KIF15: variants seen among roughly 807,000 people sequenced by gnomAD.
The protein encoded by KIF15 is kinesin-like protein KIF15.
In KIF15, 140 loss-of-function variants were observed where a neutral mutation model predicts 190.6. The ratio of observed to expected loss-of-function variants is 0.73; its 90% CI spans 0.64 to 0.84. KIF15 has a LOEUF of 0.84. KIF15 is among the 40% of genes least tolerant of loss of function. The probability of loss-of-function intolerance (pLI) is 0.00; values close to 1 mark genes in which losing one functional copy is unlikely to be tolerated. For synonymous variants in KIF15, 528 were observed against 551.3 expected (o/e 0.96, Z 0.59); for missense variants, 1,372 against 1,584.4 (o/e 0.87, Z 2.28).
At chr3:44,806,906 C>T (rs749597058) in intron 16 of KIF15, among the ~76,000 whole-genome samples, 3 of 151,720 alleles carry the variant, frequency 2.0e-5, no homozygotes, top group East Asian at 1.9e-4. Flanking sequence ...CCACCATGCC[C>T]GGATAATTTT....
chr3:44,776,249 T>C (rs979362707), intron 3 of KIF15, among the ~76,000 whole-genome samples: 4 of 151,768 alleles, frequency 2.6e-5, no homozygotes, highest in Admixed American at 2.0e-4. Flanking sequence ...TCTTTTTTTT[T>C]TTTCCCCCCA....
chr3:44,858,560 G>C (rs1434074464), intron 6 of KIF15, among the ~76,000 whole-genome samples: 1 of 152,144 alleles, frequency 6.6e-6, no homozygotes, highest in Non-Finnish European at 1.5e-5. Context: ...CACAAAGGAG[G>C]CTTTCGGTTG....
At chr3:44,793,735 A>G (rs981878384) in intron 7 of KIF15, among the ~76,000 whole-genome samples, 2 of 152,200 alleles carry the variant, frequency 1.3e-5, no homozygotes, top group African/African-American at 4.8e-5. Flanking sequence ...AATAGAAAAT[A>G]TGCTTTATGT....
chr3:44,804,943 C>T, intron 14 of KIF15, 84 bp from the exon 15 acceptor site: 1 of 1,375,694 alleles, frequency 7.3e-7, no homozygotes, highest in Non-Finnish European at 9.9e-7. Flanking sequence ...TGTGAATAGC[C>T]ACTGCACTCT....
At chr3:44,848,324 C>T (rs538222236) in intron 31 of KIF15, among the ~76,000 whole-genome samples, 197 bp from the exon 32 acceptor site, 2 of 152,284 alleles carry the variant, frequency 1.3e-5, no homozygotes, top group Admixed American at 1.3e-4. Context: ...CTGTTTGAAG[C>T]CTTAGAGGGC....
chr3:44,814,523 C>T (rs1272724466), intron 19 of KIF15, among the ~76,000 whole-genome samples: 1 of 152,174 alleles, frequency 6.6e-6, no homozygotes, highest in Non-Finnish European at 1.5e-5. Context: ...GTTGCTCAGT[C>T]TGGTCTCGAA....
At chr3:44,800,946 T>G (rs550794459) in intron 11 of KIF15, among the ~76,000 whole-genome samples, 3 of 152,196 alleles carry the variant, frequency 2.0e-5, no homozygotes, top group African/African-American at 7.2e-5. Flanking sequence ...ACTTATTCTT[T>G]GAAGAACGAC....
intron 26 of KIF15, among the ~76,000 whole-genome samples, chr3:44,835,071 T>C (rs1028888969): frequency 2.6e-5 from 4 of 151,452 alleles, no homozygotes; most frequent in Non-Finnish European, 5.9e-5. Flanking sequence ...AGAAATAATA[T>C]AGCGTATCAA....
intron 6 of KIF15, among the ~76,000 whole-genome samples, chr3:44,785,587 A>G (rs2125916347): frequency 6.6e-6 from 1 of 152,338 alleles, no homozygotes; most frequent in East Asian, 1.9e-4. Context: ...AGAAATATAT[A>G]ACATTGGTTT....
intron 6 of KIF15, chr3:44,863,911 G>C (rs985750458): frequency 4.6e-6 from 2 of 433,060 alleles, no homozygotes; most frequent in Admixed American, 3.5e-5. Context: ...GTGTTCAGTA[G>C]AAAATACTGG....
Position 44,853,203 on chromosome 3 carries a change from A to G in KIF15, c.*468A>G, listed in dbSNP as rs567769151. 2 of 152,354 alleles carry G rather than the reference A, an allele frequency of 1.3e-5. No homozygotes were observed. The highest frequency in any genetic ancestry group is 4.1e-4 in the South Asian group (2 of 4,828). 9.4% of individuals were successfully genotyped at this position (152,354 alleles called of 1,614,324 possible). A position where few individuals can be genotyped will look rare whatever the true frequency, so the allele number is the denominator to read the frequency against. On this transcript the variant is annotated 3_prime_UTR_variant, in exon 35 of 35. Transcript: ENST00000326047. ...TTATTTTTGTATTCTTACTTTAGGT[A>G]TTTTCTTGAGCATTTTCCATGACTG...
rs1035188751 is a variant in KIF15 at position 44,838,299 on chromosome 3, G to A, written c.3196G>A (p.Ala1066Thr). ...IERDMLCEDL[A>T]HATEQLNMLT... is the part of the protein sequence containing the mutation. ...GAGGGATATGCTCTGTGAGGACCTG[G>A]CTCATGCCACTGAGCAGCTGAACAT... is the stretch of plus-strand genomic sequence containing the variant. Residue 1066 changes from alanine (A) to threonine (T), a missense_variant, in exon 27 of 35, where the codon GCT becomes ACT. Transcript: ENST00000326047. The A allele has an allele frequency of 5.6e-6, 9 of 1,613,342 alleles. No individual in the cohort carries two copies. Among genetic ancestry groups the A allele is most frequent in the Middle Eastern group, 3.3e-4 (2 of 6,060 alleles).
At chr3:44,827,273 A>G in intron 22 of KIF15, 186 bp from the exon 23 acceptor site, 1 of 542,742 alleles carries the variant, frequency 1.8e-6, no homozygotes, top group East Asian at 3.1e-5. Context: ...TGGCACAAAA[A>G]TGGGTTCTCA....
chr3:44,789,532 A>C (rs936305269), intron 7 of KIF15, among the ~76,000 whole-genome samples: 1 of 150,764 alleles, frequency 6.6e-6, no homozygotes, highest in African/African-American at 2.4e-5. Context: ...ACAAGGTTTT[A>C]TATTTTTGCT....
At chr3:44,842,951 C>A (rs545888712) in intron 29 of KIF15, among the ~76,000 whole-genome samples, 174 bp from the exon 30 acceptor site, 1 of 152,168 alleles carries the variant, frequency 6.6e-6, no homozygotes, top group Non-Finnish European at 1.5e-5. Flanking sequence ...TCATGAATCA[C>A]CATTCTAGGC....
chr3:44,830,095 A>G lies in KIF15; in HGVS notation c.3048+20A>G, dbSNP rs890186428. ...ATAAATGTAAGTTCGGTCACCAACA[A>G]GATGTTAAATTTGAGCATGGGACAC... On this transcript the variant is annotated intron_variant, in intron 25 of 34. Transcript: ENST00000326047. 8 of 1,407,394 alleles carry G rather than the reference A, an allele frequency of 5.7e-6. No homozygotes were observed. The African/African-American group carries it at 1.0e-4, about 18-fold the overall frequency. 87.2% of individuals were successfully genotyped at this position (1,407,394 alleles called of 1,614,324 possible). A position where few individuals can be genotyped will look rare whatever the true frequency, so the allele number is the denominator to read the frequency against.
chr3:44,810,752 A>T, intron 16 of KIF15, 94 bp from the exon 17 acceptor site: 1 of 994,014 alleles, frequency 1.0e-6, no homozygotes, highest in Non-Finnish European at 1.5e-6. Flanking sequence ...TTTCATGAAT[A>T]GTATTTCAAT....
intron 10 of KIF15, among the ~76,000 whole-genome samples, chr3:44,798,846 G>C (rs1707122322): frequency 6.6e-6 from 1 of 152,126 alleles, no homozygotes; most frequent in Non-Finnish European, 1.5e-5. Flanking sequence ...TGGAGATAGG[G>C]TGAGATCTCA....
chr3:44,805,813 C>T, intron 15 of KIF15, 32 bp from the exon 16 acceptor site: 1 of 1,591,218 alleles, frequency 6.3e-7, no homozygotes, highest in Non-Finnish European at 8.6e-7. Context: ...TTACTTATTA[C>T]CTGAAATACT....
Sources: gnomAD v4.1 joint callset for allele counts (sites outside exome capture counted in the v4.1 genomes callset) on GRCh38, gnomAD v4.1.1 for gene constraint, MANE v1.5 for transcripts, NCBI Gene and HGNC (gene_info 2026-07-23, HGNC 2026-07-21) for gene names.